The following RMDN2 variants were observed in gnomAD, a reference collection of about 807,000 sequenced individuals.
The protein encoded by RMDN2 is regulator of microtubule dynamics protein 2.
A neutral mutation model predicts 52.8 loss-of-function variants in RMDN2; 61 were observed. The ratio of observed to expected loss-of-function variants is 1.16; its 90% CI spans 0.94 to 1.43. The LOEUF is 1.43. Ranked by LOEUF, RMDN2 falls within the 40% of genes most tolerant of loss-of-function variation. RMDN2 has a pLI of 0.00. For missense variants in RMDN2, 592 were observed against 475.3 expected, an observed-to-expected ratio of 1.25 and a Z score of -2.28; for synonymous variants, 180 against 153.1, an observed-to-expected ratio of 1.18 and a Z score of -1.30.
intron 2 of RMDN2, chr2:37,951,337 C>G (rs1252177788): frequency 5.0e-6 from 8 of 1,612,920 alleles, no homozygotes; most frequent in Non-Finnish European, 5.9e-6. Flanking sequence ...CCAAGTATAT[C>G]TCTTGGTCAT....
rs116092344 is a variant in RMDN2 at position 37,978,559 on chromosome 2, C to T, written c.731-2724C>T. ...AGAGTACAGAGGCTGGATGTAGTGG[C>T]TCATGCCTGTAATCCCAGCACTTTG... On this transcript the variant is annotated intron_variant, in intron 4 of 10. Coordinates refer to ENST00000354545, the MANE Select transcript of RMDN2 (RefSeq NM_001170791.3). Among the ~76,000 whole-genome samples the T allele has an allele frequency of 8.7e-3, 1,322 of 152,100 alleles. 22 individuals carry two copies. The highest frequency in any genetic ancestry group is 0.03 in the African/African-American group (1,237 of 41,482).
chr2:37,987,602 T>C (rs1036907043), intron 5 of RMDN2, among the ~76,000 whole-genome samples: 3 of 152,176 alleles, frequency 2.0e-5, no homozygotes, highest in Admixed American at 6.5e-5. Context: ...ATGTAACACA[T>C]TACAACAGTA....
At chr2:37,957,201 T>TTCTAGTTCTAGA (rs1288310329) in intron 2 of RMDN2, among the ~76,000 whole-genome samples, 1 of 152,210 alleles carries the variant, frequency 6.6e-6, no homozygotes, top group African/African-American at 2.4e-5. Context: ...TCAAATGTAT[T>TTCTAGTTCTAGA]TCTAGTTCTA....
In RMDN2 at chr2:38,004,203, C is replaced by T. The variant is rs761582286; in HGVS notation, c.1166C>T (p.Thr389Ile). ...TGTAATTTGGCTTTATTGCTTCCTA[C>T]TGTTACCAAAGAGGTAAGTCCAGAA... ...KFCNLALLLP[T>I]VTKEDKEAQK... The change falls in exon 10 of 11, where the codon ACT becomes ATT. Residue 389 changes from threonine (T) to isoleucine (I), a missense_variant. Transcript: ENST00000354545. 1.2e-6 allele frequency: 2 copies of T among 1,613,164 alleles called. No homozygotes were observed. Among genetic ancestry groups the T allele is most frequent in the Non-Finnish European group, 1.7e-6 (2 of 1,179,268 alleles).
Position 37,993,527 on chromosome 2 carries a change from A to T in RMDN2, c.945+2230A>T, listed in dbSNP as rs114388480. On this transcript the variant is annotated intron_variant, in intron 7 of 10. Transcript: ENST00000354545. ...TGGAAGAACCTACAGAAAAAAAAAA[A>T]AATAACAATAAGGGGAACAGCCAAA... Among the ~76,000 whole-genome samples the T allele has an allele frequency of 9.6e-3, 1,454 of 152,172 alleles. 27 individuals are homozygous for T. The highest frequency in any genetic ancestry group is 0.033 in the African/African-American group (1,373 of 41,466).
At chr2:38,026,991 C>T (rs1312885218) in intron 10 of RMDN2, 1 of 152,094 alleles carries the variant, frequency 6.6e-6, no homozygotes, top group Non-Finnish European at 1.5e-5. Context: ...CCATCATGGT[C>T]AGCAGTTTGT....
chr2:38,022,299 T>A (rs1003909567), downstream of RMDN2, among the ~76,000 whole-genome samples: 3 of 152,244 alleles, frequency 2.0e-5, no homozygotes, highest in Non-Finnish European at 4.4e-5. Flanking sequence ...ACATTATGCC[T>A]ACTCCAGGGA....
chr2:37,973,977 A>G (rs571197232), intron 2 of RMDN2, 63 bp from the exon 3 acceptor site: 12 of 1,301,242 alleles, frequency 9.2e-6, no homozygotes, highest in South Asian at 6.4e-5. Flanking sequence ...GCATTTTAAA[A>G]GGAATGCTCT....
intron 8 of RMDN2, among the ~76,000 whole-genome samples, chr2:38,000,615 A>G (rs1005372568): frequency 1.3e-5 from 2 of 152,222 alleles, no homozygotes; most frequent in Non-Finnish European, 2.9e-5. Flanking sequence ...ACTTTTGTGT[A>G]TATCTGGCTT....
At chr2:37,965,626 G>T (rs1376751139) in intron 2 of RMDN2, among the ~76,000 whole-genome samples, 1 of 152,030 alleles carries the variant, frequency 6.6e-6, no homozygotes, top group Non-Finnish European at 1.5e-5. Context: ...TTTAGATGAT[G>T]TAAAAGAATA....
At chr2:38,059,628 TG>T (rs1681963757) in intron 10 of RMDN2, among the ~76,000 whole-genome samples, 2 of 152,108 alleles carry the variant, frequency 1.3e-5, no homozygotes, top group Admixed American at 1.3e-4. Context: ...AGGGAGCTTG[TG>T]GGGGCAGGCT....
Position 37,933,270 on chromosome 2 carries a change from C to A in RMDN2, c.452+3541C>A, listed in dbSNP as rs369390783. Among the ~76,000 whole-genome samples, 6 of 151,680 alleles carry A rather than the reference C, an allele frequency of 4.0e-5. No individual in the cohort carries two copies. The East Asian group carries it at 9.8e-4, about 25-fold the overall frequency. ...AGATGGGATGGCGGCCGGGCAGAGA[C>A]GCTCCTCACTTTCCAGACTGGGCAG... On this transcript the variant is annotated intron_variant, in intron 2 of 10. Transcript: ENST00000354545.
intron 5 of RMDN2, among the ~76,000 whole-genome samples, chr2:37,986,811 C>CAATTGATAAATTGATAAATTGATAA (rs1409838409): frequency 6.6e-6 from 1 of 151,840 alleles, no homozygotes; most frequent in Non-Finnish European, 1.5e-5. Context: ...AAAATTTTAT[C>CAATTGATAAATTGATAAATTGATAA]AATTTTCCTC....
chr2:37,968,653 C>T (rs1349246069), intron 2 of RMDN2, among the ~76,000 whole-genome samples: 3 of 152,030 alleles, frequency 2.0e-5, no homozygotes, highest in African/African-American at 7.2e-5. Context: ...GTTGATCATG[C>T]AGAGTTGAAG....
intron 2 of RMDN2, among the ~76,000 whole-genome samples, chr2:37,957,417 C>G (rs915211511): frequency 1.3e-5 from 2 of 152,260 alleles, no homozygotes; most frequent in Non-Finnish European, 2.9e-5. Flanking sequence ...TGATGATGAG[C>G]TTTTTTTCGT....
At chr2:37,958,401 G>T (rs1669770409) in intron 2 of RMDN2, among the ~76,000 whole-genome samples, 1 of 143,990 alleles carries the variant, frequency 6.9e-6, no homozygotes, top group South Asian at 2.1e-4. Flanking sequence ...TATTCTATTT[G>T]TAGCAATTGT....
chr2:37,995,063 G>T (rs1182020707), intron 7 of RMDN2, among the ~76,000 whole-genome samples: 2 of 152,128 alleles, frequency 1.3e-5, no homozygotes, highest in Non-Finnish European at 2.9e-5. Flanking sequence ...ATTGGTTGTT[G>T]TGGCAGTTAC....
At chr2:38,065,095 T>C (rs989774366) in intron 10 of RMDN2, among the ~76,000 whole-genome samples, 5 of 152,182 alleles carry the variant, frequency 3.3e-5, no homozygotes, top group Admixed American at 2.6e-4. Flanking sequence ...GTTATCCAGG[T>C]ATCTATTCCC....
intron 2 of RMDN2, among the ~76,000 whole-genome samples, chr2:37,954,534 T>TC: frequency 6.6e-6 from 1 of 152,238 alleles, no homozygotes; most frequent in Non-Finnish European, 1.5e-5. Context: ...TTCTGGGCTT[T>TC]CCATTTTCTT....
Sources: allele counts gnomAD v4.1 joint callset (sites outside exome capture counted in the v4.1 genomes callset), GRCh38; gene constraint gnomAD v4.1.1; transcripts MANE v1.5; gene names NCBI Gene and HGNC (gene_info 2026-07-23, HGNC 2026-07-21).